Variants in THNSL1 observed in about 807,000 individuals in gnomAD.
The protein encoded by THNSL1 is threonine synthase like 1.
Under a neutral mutation model 50.4 loss-of-function variants are expected in THNSL1, and 48 were observed. That is an observed-to-expected ratio of 0.95 (90% CI 0.76 to 1.21). The LOEUF is 1.21. Among genes scored for constraint, THNSL1 ranks in the 50% most tolerant of loss-of-function variants. The probability of loss-of-function intolerance (pLI) is 0.00; values close to 1 mark genes in which losing one functional copy is unlikely to be tolerated. For missense variants in THNSL1, 896 were observed against 871.7 expected (o/e 1.03, Z -0.35); for synonymous variants, 309 against 306.1 (o/e 1.01, Z -0.10).
upstream of THNSL1, among the ~76,000 whole-genome samples, chr10:25,012,132 C>T (rs61853348): frequency 2.6e-5 from 4 of 152,218 alleles, no homozygotes; most frequent in South Asian, 2.1e-4. Context: ...GTTGGGACTA[C>T]GGGTGCACAG....
At chr10:24,990,187 G>A in the THNSL1 span, among the ~76,000 whole-genome samples, 4 of 152,092 alleles carry the variant, frequency 2.6e-5, no homozygotes, top group East Asian at 1.9e-4. Context: ...ATGCATGTTC[G>A]TTGTAGAGGA....
the THNSL1 span, chr10:24,995,880 T>G: frequency 6.3e-7 from 1 of 1,590,196 alleles, no homozygotes. Context: ...CTGTTAAATA[T>G]AACATTTCTT....
chr10:24,988,484 G>T, the THNSL1 span, among the ~76,000 whole-genome samples: 3 of 144,600 alleles, frequency 2.1e-5, no homozygotes, highest in Non-Finnish European at 3.0e-5. Context: ...TATAAAATAC[G>T]TATAAATAGA....
At chr10:24,987,490 TA>T in the THNSL1 span, among the ~76,000 whole-genome samples, 4 of 150,538 alleles carry the variant, frequency 2.7e-5, no homozygotes, top group Admixed American at 1.3e-4. Context: ...AAAAATGAAA[TA>T]AAAAAAAATC....
the THNSL1 span, among the ~76,000 whole-genome samples, chr10:24,988,242 A>ATATATATGTGTATATATATATT: frequency 2.8e-5 from 4 of 145,046 alleles, no homozygotes; most frequent in South Asian, 8.4e-4. Context: ...ATGTATATAT[A>ATATATATGTGTATATATATATT]TATATATATG....
At chr10:24,966,396 C>T in the THNSL1 span, among the ~76,000 whole-genome samples, 1 of 152,250 alleles carries the variant, frequency 6.6e-6, no homozygotes, top group Non-Finnish European at 1.5e-5. Flanking sequence ...GAGACCACAA[C>T]ACCCTCTTGC....
At chr10:24,974,575 G>C in the THNSL1 span, among the ~76,000 whole-genome samples, 1 of 152,142 alleles carries the variant, frequency 6.6e-6, no homozygotes, top group Non-Finnish European at 1.5e-5. Flanking sequence ...TTACAAAGTG[G>C]ATTATTCTGA....
intron 2 of THNSL1, among the ~76,000 whole-genome samples, chr10:25,022,160 C>T (rs1203985640): frequency 6.6e-6 from 1 of 152,094 alleles, no homozygotes; most frequent in Admixed American, 6.5e-5. Context: ...CTGCATTTTA[C>T]GTAACTAAAA....
At chr10:24,984,741 G>T in the THNSL1 span, 2 of 1,605,566 alleles carry the variant, frequency 1.2e-6, no homozygotes, top group South Asian at 1.1e-5. Flanking sequence ...CTTACTTATT[G>T]GCAATATAAA....
At chr10:24,999,527 C>T in the THNSL1 span, 43 of 1,608,856 alleles carry the variant, frequency 2.7e-5, no homozygotes, top group Admixed American at 3.7e-4. Flanking sequence ...TTTACAGTTG[C>T]CTTAAAAATG....
chr10:25,024,204 T>TG lies in THNSL1; in HGVS notation c.982dup (p.Ala328GlyfsTer24), dbSNP rs1412973892. 2 of 1,614,112 alleles carry TG rather than the reference T, an allele frequency of 1.2e-6. No homozygotes were observed. Among genetic ancestry groups the TG allele is most frequent in the Admixed American group, 1.7e-5 (1 of 60,002 alleles). On this transcript the variant is annotated frameshift_variant, in exon 3 of 3. Transcript: ENST00000376356. LOFTEE classifies it high-confidence loss of function. ...GGGAAAACTTTGCCTGCTCAAAAATTGCTCCTGTCAGGCACCTTTCAGGCA... is the reference window on the plus strand; with the variant it reads ...GGGAAAACTTTGCCTGCTCAAAAATTGGCTCCTGTCAGGCACCTTTCAGGCA...
the THNSL1 span, among the ~76,000 whole-genome samples, chr10:24,961,531 G>C: frequency 6.6e-6 from 1 of 151,946 alleles, no homozygotes; most frequent in South Asian, 2.1e-4. Flanking sequence ...TACAATATTA[G>C]TGTCTTTTTT....
the THNSL1 span, among the ~76,000 whole-genome samples, chr10:24,978,072 C>G: frequency 6.6e-6 from 1 of 152,200 alleles, no homozygotes; most frequent in South Asian, 2.1e-4. Flanking sequence ...AAGGCTATAT[C>G]TGCGTGTGCA....
rs767810103 is a variant in THNSL1 at position 25,023,542 on chromosome 10, G to A, written c.319G>A (p.Gly107Ser). Residue 107 changes from glycine to serine, a missense_variant, in exon 3 of 3, where the codon GGT becomes AGT. Coordinates refer to ENST00000376356, the MANE Select transcript of THNSL1 (RefSeq NM_024838.5). ...TGTGTCTGAAAAATTACAGGATGTT[G>A]GTAATGAGCAATTTTTAGAAGAGGA... ...MSVSEKLQDV[G>S]NEQFLEEEGK... is the part of the protein sequence containing the mutation. 5.0e-6 allele frequency: 8 copies of A among 1,614,064 alleles called. No homozygotes were observed. The highest frequency in any genetic ancestry group is 1.6e-4 in the Middle Eastern group (1 of 6,062).
At position 25,024,875 on chromosome 10, in the gene THNSL1, T is replaced by C. The variant is rs769011857; in HGVS notation, c.1652T>C (p.Leu551Pro). ...TDFIKTGHYD[L>P]RERKLAQTFS... is the part of the protein sequence containing the mutation. ...TTTATAAAAACAGGACATTATGATC[T>C]AAGGGAAAGAAAACTAGCACAAACC... Residue 551 changes from leucine (L) to proline (P), a missense_variant, in exon 3 of 3, where the codon CTA (leucine) becomes CCA (proline). Leu to Pro is a moderately conservative substitution (Grantham distance 98). Coordinates refer to ENST00000376356, the MANE Select transcript of THNSL1 (RefSeq NM_024838.5). 50 of 1,613,924 alleles carry C rather than the reference T, an allele frequency of 3.1e-5. No homozygotes were observed. The highest frequency in any genetic ancestry group is 4.2e-5 in the Non-Finnish European group (50 of 1,180,034).
the THNSL1 span, chr10:24,990,496 C>T: frequency 1.9e-6 from 3 of 1,613,594 alleles, no homozygotes; most frequent in Non-Finnish European, 2.5e-6. Context: ...CATCGGAGAG[C>T]CTTTTCATAG....
chr10:25,023,388 C>A lies in THNSL1; in HGVS notation c.165C>A (p.Asp55Glu). ...SWYSTHSLVG[D>E]KNIILMGPPG... ...ATTCAACCCACTCTCTTGTTGGAGA[C>A]AAAAATATTATCCTGATGGGACCTC... Residue 55 changes from aspartate (D) to glutamate (E), a missense_variant, in exon 3 of 3, where the codon GAC (aspartate) becomes GAA (glutamate). Physicochemically the swap from Asp to Glu is conservative, Grantham distance 45. Transcript: ENST00000376356. The A allele has an allele frequency of 6.2e-7, 1 of 1,614,070 alleles. No individual in the cohort carries two copies. The highest frequency in any genetic ancestry group is 1.6e-4 in the Middle Eastern group (1 of 6,062).
chr10:24,997,995 G>A, the THNSL1 span, among the ~76,000 whole-genome samples: 5 of 152,214 alleles, frequency 3.3e-5, no homozygotes, highest in East Asian at 9.7e-4. Context: ...AAGACTAGAG[G>A]AAGATACAAA....
chr10:24,973,795 C>A, the THNSL1 span, among the ~76,000 whole-genome samples: 1 of 152,042 alleles, frequency 6.6e-6, no homozygotes, highest in African/African-American at 2.4e-5. Flanking sequence ...CCTCTTTCGC[C>A]CAGGCTGGAG....
Sources: allele counts gnomAD v4.1 joint callset (sites outside exome capture counted in the v4.1 genomes callset), GRCh38; gene constraint gnomAD v4.1.1; transcripts MANE v1.5; gene names NCBI Gene and HGNC (gene_info 2026-07-23, HGNC 2026-07-21).